Variants in THADA observed in about 807,000 individuals in gnomAD.
THADA encodes THADA armadillo repeat containing, also known as tRNA (32-2'-O)-methyltransferase regulator THADA.
THADA carries 213 observed loss-of-function variants against 219.8 expected under a neutral mutation model. That is an observed-to-expected ratio of 0.97 (90% CI 0.87 to 1.09). The LOEUF (loss-of-function observed/expected upper bound fraction) is 1.09. Ranked by LOEUF, THADA falls within the 50% of genes least tolerant of loss-of-function variation. The pLI, the probability that THADA is intolerant of heterozygous loss-of-function variation, is 0.00. For missense variants in THADA, 2,956 were observed against 2,311.3 expected (o/e 1.28, Z -5.72); for synonymous variants, 1,018 against 828.9 (o/e 1.23, Z -3.92).
At chr2:43,233,861 C>T (rs955850279) in intron 36 of THADA, among the ~76,000 whole-genome samples, 1 of 152,108 alleles carries the variant, frequency 6.6e-6, no homozygotes, top group Non-Finnish European at 1.5e-5. Context: ...TCTGTAGGCC[C>T]ATCTTGCACC....
intron 20 of THADA, 99 bp from the exon 21 acceptor site, chr2:43,541,415 T>G (rs1695294261): frequency 7.4e-7 from 1 of 1,346,154 alleles, no homozygotes; most frequent in African/African-American, 1.5e-5. Flanking sequence ...ATAATCTGCT[T>G]GAACAAACCC....
At chr2:43,284,702 C>T (rs763144770) in intron 35 of THADA, among the ~76,000 whole-genome samples, 4 of 152,208 alleles carry the variant, frequency 2.6e-5, no homozygotes, top group Non-Finnish European at 4.4e-5. Context: ...GACCACCGTC[C>T]TCCAGACCCC....
intron 25 of THADA, 83 bp from the exon 26 acceptor site, chr2:43,485,408 A>G (rs1686793752): frequency 1.1e-6 from 1 of 948,850 alleles, no homozygotes; most frequent in Non-Finnish European, 1.7e-6. Flanking sequence ...TAGATAATTC[A>G]AAATCATTAC....
Position 43,351,347 on chromosome 2 carries a change from C to A in THADA, c.4228-7110G>T, listed in dbSNP as rs142206631. The stretch of plus-strand genomic sequence containing the variant: ...TGGCCACAAAGAACAATTTCCCATT[C>A]GTAACAACTTACAAATGCTTTCCTG... On this transcript the variant is annotated intron_variant, in intron 29 of 37. Coordinates refer to ENST00000405975, the MANE Select transcript of THADA (RefSeq NM_022065.5). Among the ~76,000 whole-genome samples the A allele has an allele frequency of 4.6e-3, 703 of 152,240 alleles. 3 individuals are homozygous for A. The highest frequency in any genetic ancestry group is 7.4e-3 in the Non-Finnish European group (501 of 68,004).
chr2:43,324,286 A>G (rs1679078686), intron 30 of THADA, among the ~76,000 whole-genome samples: 1 of 152,166 alleles, frequency 6.6e-6, no homozygotes, highest in South Asian at 2.1e-4. Flanking sequence ...TCTTCCCTAG[A>G]CCCGGTACAG....
At chr2:43,593,630 CTTT>C (rs764094980) in intron 1 of THADA, among the ~76,000 whole-genome samples, 3 of 127,650 alleles carry the variant, frequency 2.4e-5, no homozygotes, top group Non-Finnish European at 1.6e-5. Flanking sequence ...CTACTACAGA[CTTT>C]TTTTTTTTTT....
chr2:43,534,506 G>A lies in THADA; in HGVS notation c.3265-6518C>T, dbSNP rs573530380. ...TCTCAACTACTCTTCCCAGCCTGTAGTATCCTCTGCTCTAATTTTTACTTC... is the reference window on the plus strand; with the variant it reads ...TCTCAACTACTCTTCCCAGCCTGTAATATCCTCTGCTCTAATTTTTACTTC... On this transcript the variant is annotated intron_variant, in intron 21 of 37. Transcript: ENST00000405975. Among the ~76,000 whole-genome samples the A allele has an allele frequency of 9.6e-4, 146 of 152,078 alleles. 1 individual carries two copies. Among genetic ancestry groups the A allele is most frequent in the African/African-American group, 3.4e-3 (143 of 41,500 alleles).
intron 28 of THADA, among the ~76,000 whole-genome samples, chr2:43,399,123 A>G (rs1312629894): frequency 1.3e-5 from 2 of 152,322 alleles, no homozygotes; most frequent in African/African-American, 4.8e-5. Flanking sequence ...GATTGAGAGG[A>G]AAGTCCAATA....
chr2:43,343,436 G>A (rs911272062), intron 30 of THADA: 2 of 152,222 alleles, frequency 1.3e-5, no homozygotes, highest in South Asian at 2.1e-4. Context: ...ACTTACAGAG[G>A]ACCTACGGAG....
intron 36 of THADA, among the ~76,000 whole-genome samples, chr2:43,259,030 T>C (rs1670651526): frequency 6.6e-6 from 1 of 152,048 alleles, no homozygotes; most frequent in South Asian, 2.1e-4. Flanking sequence ...CAGGCCAAAA[T>C]GAAACACAGT....
chr2:43,556,551 GA>G lies in THADA; in HGVS notation c.2467del (p.Ser823ArgfsTer24). 1 of 1,613,114 alleles carries G rather than the reference GA, an allele frequency of 6.2e-7. No homozygotes were observed. The highest frequency in any genetic ancestry group is 8.5e-7 in the Non-Finnish European group (1 of 1,179,452). ...CTGAAATAAGCCTTGCAGTTTCCCC[GA>G]ATCCTAGAATAAAGCGCAGACTCAG... is the stretch of plus-strand genomic sequence containing the variant. ...LSKTAVHFQD[S>X]GKLQGLFQAA... On this transcript the variant is annotated frameshift_variant, in exon 17 of 38. Coordinates refer to ENST00000405975, the MANE Select transcript of THADA (RefSeq NM_022065.5). LOFTEE classifies it high-confidence loss of function.
chr2:43,348,927 AG>A (rs1167853112), intron 29 of THADA, among the ~76,000 whole-genome samples: 1 of 152,182 alleles, frequency 6.6e-6, no homozygotes, highest in Non-Finnish European at 1.5e-5. Flanking sequence ...GCTTACCCCT[AG>A]CTGTAATAGG....
rs763766021 is a variant in THADA, at chr2:43,560,413, T to C, written c.2312-28A>G. On this transcript the variant is annotated intron_variant, in intron 15 of 37. Transcript: ENST00000405975. ...AAAAATATTTTAAAAACAAAAAGAT[T>C]TAAAAGTGAACAAAAAGAAATCAGT... 23 of 1,452,206 alleles carry C rather than the reference T, an allele frequency of 1.6e-5. 1 individual carries two copies. The South Asian group carries it at 2.9e-4, about 18-fold the overall frequency. 90.0% of individuals were successfully genotyped at this position (1,452,206 alleles called of 1,614,324 possible).
chr2:43,577,734 T>C (rs1183728236), intron 9 of THADA, among the ~76,000 whole-genome samples: 3 of 152,130 alleles, frequency 2.0e-5, no homozygotes, highest in Non-Finnish European at 2.9e-5. Flanking sequence ...TATCAAATTA[T>C]ACTTTCTGTA....
intron 26 of THADA, among the ~76,000 whole-genome samples, chr2:43,457,684 T>C (rs1683177280): frequency 6.6e-6 from 1 of 152,206 alleles, no homozygotes; most frequent in African/African-American, 2.4e-5. Context: ...AAAAATGTTA[T>C]TTAAAATTCA....
intron 25 of THADA, chr2:43,486,499 ATACT>A (rs1244678267): frequency 1.3e-5 from 2 of 152,226 alleles, no homozygotes; most frequent in African/African-American, 2.4e-5. Context: ...CAGAAAACAC[ATACT>A]TACTGGTATT....
At chr2:43,548,920 G>C (rs897328765) in intron 20 of THADA, among the ~76,000 whole-genome samples, 3 of 152,180 alleles carry the variant, frequency 2.0e-5, no homozygotes, top group African/African-American at 7.2e-5. Flanking sequence ...GATGAACCCG[G>C]TACCTCAGAT....
At chr2:43,489,678 G>C (rs1687368791) in intron 25 of THADA, among the ~76,000 whole-genome samples, 1 of 151,798 alleles carries the variant, frequency 6.6e-6, no homozygotes, top group Non-Finnish European at 1.5e-5. Flanking sequence ...TAAATGTGGG[G>C]GTTTATTTCT....
intron 36 of THADA, among the ~76,000 whole-genome samples, chr2:43,259,948 T>C (rs954727198): frequency 6.6e-6 from 1 of 152,230 alleles, no homozygotes; most frequent in Admixed American, 6.5e-5. Context: ...GGTATGATCA[T>C]GCCTGTTCCT....
Sources: allele counts gnomAD v4.1 joint callset (sites outside exome capture counted in the v4.1 genomes callset), GRCh38; gene constraint gnomAD v4.1.1; transcripts MANE v1.5; gene names NCBI Gene and HGNC (gene_info 2026-07-23, HGNC 2026-07-21).